Variants in VPS8 observed in about 807,000 individuals in gnomAD.
VPS8 encodes the protein VPS8 subunit of CORVET complex, also known as vacuolar protein sorting-associated protein 8 homolog.
VPS8 carries 129 observed loss-of-function variants against 216.4 expected under a neutral mutation model. The ratio of observed to expected loss-of-function variants is 0.60; its 90% CI spans 0.52 to 0.69. VPS8 has a LOEUF of 0.69. VPS8 is among the 30% of genes least tolerant of loss of function. VPS8 has a pLI of 0.00. For missense variants in VPS8, 1,531 were observed against 1,683.5 expected (o/e 0.91, Z 1.59); for synonymous variants, 571 against 565.4 (o/e 1.01, Z -0.14).
Position 184,928,520 on chromosome 3 carries a change from GA to G in VPS8, c.2706del (p.Ala903LeufsTer69). On this transcript the variant is annotated frameshift_variant, in exon 32 of 48. Coordinates refer to ENST00000625842, the MANE Select transcript of VPS8 (RefSeq NM_001009921.3). LOFTEE classifies it high-confidence loss of function. ...FEESRLIRMAEKAEFYQICEF... is the reference protein window; with the variant it reads ...FEESRLIRMAXKAEFYQICEF... Reference sequence around the variant, plus strand: ...AGAGAGTCGACTCATCCGGATGGCAGAAAAAGCTGAGTTGTAAGTTGTTTTG... The same window carrying G: ...AGAGAGTCGACTCATCCGGATGGCAGAAAAGCTGAGTTGTAAGTTGTTTTG... 1 of 1,516,656 alleles carries G rather than the reference GA, an allele frequency of 6.6e-7. No individual in the cohort carries two copies. The highest frequency in any genetic ancestry group is 8.7e-7 in the Non-Finnish European group (1 of 1,144,352). The allele number at this position is 1,516,656 out of a possible 1,614,324, so 93.9% of individuals were successfully genotyped here. A position where few individuals can be genotyped will look rare whatever the true frequency, so the allele number is the denominator to read the frequency against.
intron 5 of VPS8, 81 bp from the exon 6 acceptor site, chr3:184,838,633 T>A: frequency 8.8e-7 from 1 of 1,130,822 alleles, no homozygotes; most frequent in Non-Finnish European, 1.3e-6. Flanking sequence ...GGAGCAAGTA[T>A]ATGTAAAGCA....
intron 45 of VPS8, 49 bp downstream of exon 45, chr3:184,999,910 G>A (rs1230901115): frequency 6.5e-7 from 1 of 1,546,800 alleles, no homozygotes; most frequent in African/African-American, 1.4e-5. Flanking sequence ...TCTTACCAAT[G>A]TCATTTGGGC....
At chr3:185,020,105 A>G (rs1344340063) in intron 45 of VPS8, among the ~76,000 whole-genome samples, 1 of 152,264 alleles carries the variant, frequency 6.6e-6, no homozygotes, top group Non-Finnish European at 1.5e-5. Flanking sequence ...AACAGAAATT[A>G]TCAAGTTTGT....
At chr3:185,003,173 A>G (rs1174100849) in intron 45 of VPS8, among the ~76,000 whole-genome samples, 1 of 82,400 alleles carries the variant, frequency 1.2e-5, no homozygotes, top group Non-Finnish European at 2.3e-5. Context: ...TTTTTTTTTA[A>G]TTGATCATTC....
At chr3:184,825,020 C>T (rs1270608496) in intron 2 of VPS8, 2 of 457,994 alleles carry the variant, frequency 4.4e-6, no homozygotes, top group Non-Finnish European at 8.0e-6. Flanking sequence ...ATCCTCCTAC[C>T]TCAGCCTCCC....
chr3:185,016,108 C>A lies in VPS8; in HGVS notation c.4003-8228C>A, dbSNP rs140046812. On this transcript the variant is annotated intron_variant, in intron 45 of 47. Transcript: ENST00000625842. ...CTCTAAGGATAGAAAATAGATTACT[C>A]ATGGCGTAGGTAGGAATGCCTAGAG... Among the ~76,000 whole-genome samples the A allele has an allele frequency of 1.9e-3, 295 of 151,962 alleles. 1 individual carries two copies. Among genetic ancestry groups the A allele is most frequent in the African/African-American group, 6.5e-3 (266 of 41,226 alleles).
chr3:184,856,741 G>GTTTTTTTTTACATATACTGT (rs1229221125), intron 14 of VPS8, among the ~76,000 whole-genome samples: 1 of 152,122 alleles, frequency 6.6e-6, no homozygotes, highest in East Asian at 1.9e-4. Flanking sequence ...TCTGGCCTCA[G>GTTTTTTTTTACATATACTGT]TGCCTTTTAC....
intron 46 of VPS8, among the ~76,000 whole-genome samples, chr3:185,039,848 CA>C (rs766368237): frequency 1.3e-5 from 2 of 152,134 alleles, no homozygotes; most frequent in African/African-American, 2.4e-5. Context: ...TCCAGTCAGC[CA>C]TGTTGCTTCT....
chr3:184,875,085 G>GGGAA lies in VPS8; in HGVS notation c.1734+4283_1734+4286dup, dbSNP rs1729012763. ...TTTTTTTTTTTTTTTTTTGCTCAGT[G>GGGAA]GGAAGGTCTCAGATTCTGTATCTGT... is the stretch of plus-strand genomic sequence containing the variant. On this transcript the variant is annotated intron_variant, in intron 21 of 47. Transcript: ENST00000625842. Among the ~76,000 whole-genome samples the GGGAA allele has an allele frequency of 2.1e-5, 3 of 143,402 alleles. No homozygotes were observed. In the South Asian group the frequency reaches 6.7e-4, roughly 32 times the overall value. 94.1% of individuals were successfully genotyped at this position (143,402 alleles called of 152,430 possible). A position where few individuals can be genotyped will look rare whatever the true frequency, so the allele number is the denominator to read the frequency against.
At chr3:184,820,786 A>G (rs1717406919) in intron 1 of VPS8, among the ~76,000 whole-genome samples, 1 of 152,214 alleles carries the variant, frequency 6.6e-6, no homozygotes, top group South Asian at 2.1e-4. Flanking sequence ...TCACTAATAA[A>G]GTGTAGACTA....
At chr3:184,965,854 G>T (rs1747319358) in intron 38 of VPS8, among the ~76,000 whole-genome samples, 1 of 152,166 alleles carries the variant, frequency 6.6e-6, no homozygotes, top group South Asian at 2.1e-4. Flanking sequence ...ATGGAGAGAA[G>T]AGGGATAGAT....
chr3:184,915,443 A>T lies in VPS8; in HGVS notation c.2351A>T (p.Asp784Val). ...TACATTCGGACTTTGCTACATTTTG[A>T]CACAAGAGAATTTCTAAATGTATTG... ...YPYIRTLLHF[D>V]TREFLNVLAL... Residue 784 changes from aspartate to valine, a missense_variant, in exon 28 of 48, where the codon GAC (aspartate) becomes GTC (valine). Physicochemically the swap from Asp to Val is radical, Grantham distance 152. Transcript: ENST00000625842. 6.2e-7 allele frequency: 1 copy of T among 1,613,854 alleles called. No homozygotes were observed. Among genetic ancestry groups the T allele is most frequent in the Non-Finnish European group, 8.5e-7 (1 of 1,179,808 alleles).
intron 43 of VPS8, among the ~76,000 whole-genome samples, chr3:184,994,799 A>T (rs1752400346): frequency 6.6e-6 from 1 of 152,236 alleles, no homozygotes; most frequent in South Asian, 2.1e-4. Flanking sequence ...TATGCTGCTG[A>T]TAAAGACATA....
At chr3:184,910,672 T>G (rs1736346173) in intron 25 of VPS8, among the ~76,000 whole-genome samples, 1 of 152,222 alleles carries the variant, frequency 6.6e-6, no homozygotes, top group African/African-American at 2.4e-5. Flanking sequence ...CCCAACTCTA[T>G]TCCATATTCG....
intron 22 of VPS8, among the ~76,000 whole-genome samples, chr3:184,890,075 A>G (rs1382608507): frequency 2.6e-5 from 4 of 152,194 alleles, no homozygotes; most frequent in East Asian, 1.9e-4. Flanking sequence ...TCAGTTCCCT[A>G]TGCTAAATTG....
intron 42 of VPS8, among the ~76,000 whole-genome samples, chr3:184,985,495 A>T (rs1296402432): frequency 6.6e-6 from 1 of 152,236 alleles, no homozygotes; most frequent in East Asian, 1.9e-4. Flanking sequence ...ACAACTATTC[A>T]TAGGGCTCTA....
At chr3:184,898,479 A>G (rs1423850867) in intron 23 of VPS8, 86 bp from the exon 24 acceptor site, 8 of 1,051,538 alleles carry the variant, frequency 7.6e-6, no homozygotes, top group African/African-American at 4.9e-5. Context: ...AGGGAAGAGC[A>G]TTCAAGACCT....
At chr3:184,839,034 T>G (rs544716651) in intron 6 of VPS8, 5 of 301,920 alleles carry the variant, frequency 1.7e-5, no homozygotes, top group Admixed American at 1.0e-4. Flanking sequence ...ATTTGCTTCT[T>G]CTGTGATTTG....
intron 40 of VPS8, among the ~76,000 whole-genome samples, chr3:184,979,440 C>T (rs912229759): frequency 1.3e-5 from 2 of 152,182 alleles, no homozygotes; most frequent in Non-Finnish European, 2.9e-5. Context: ...ATCTAAGTCT[C>T]GTCATAGGTT....
Sources: allele counts gnomAD v4.1 joint callset (sites outside exome capture counted in the v4.1 genomes callset), GRCh38; gene constraint gnomAD v4.1.1; transcripts MANE v1.5; gene names NCBI Gene and HGNC (gene_info 2026-07-23, HGNC 2026-07-21).